PPHLN1: variants seen among roughly 807,000 people sequenced by gnomAD.
PPHLN1 encodes periphilin-1.
PPHLN1 carries 29 observed loss-of-function variants against 51.3 expected under a neutral mutation model. The ratio of observed to expected loss-of-function variants is 0.57; its 90% CI spans 0.42 to 0.77. PPHLN1 has a LOEUF of 0.77. Ranked by LOEUF, PPHLN1 falls within the 30% of genes least tolerant of loss-of-function variation. The probability of loss-of-function intolerance (pLI) is 0.00; values close to 1 mark genes in which losing one functional copy is unlikely to be tolerated. For synonymous variants in PPHLN1, 147 were observed against 147.8 expected, an observed-to-expected ratio of 0.99 and a Z score of 0.04; for missense variants, 436 against 438.4, an observed-to-expected ratio of 0.99 and a Z score of 0.05.
chr12:42,399,425 A>G (rs940072734), intron 9 of PPHLN1: 55 of 927,108 alleles, frequency 5.9e-5, no homozygotes, highest in Non-Finnish European at 6.4e-5. Context: ...ATTTAAGTCT[A>G]GTTTTTTAGT....
At chr12:42,371,289 T>C (rs977690520) in intron 4 of PPHLN1, among the ~76,000 whole-genome samples, 3 of 151,992 alleles carry the variant, frequency 2.0e-5, no homozygotes, top group Non-Finnish European at 4.4e-5. Context: ...TCAGCTATTT[T>C]TTAATTTTTT....
intron 4 of PPHLN1, among the ~76,000 whole-genome samples, chr12:42,362,280 G>C (rs186519858): frequency 6.6e-6 from 1 of 152,110 alleles, no homozygotes; most frequent in African/African-American, 2.4e-5. Flanking sequence ...ATATTAAACT[G>C]TATGTGATAC....
chr12:42,419,149 C>T (rs149407074), intron 9 of PPHLN1, among the ~76,000 whole-genome samples: 178 of 152,322 alleles, frequency 1.2e-3, no homozygotes, highest in African/African-American at 4.2e-3. Flanking sequence ...CATCCTTCTG[C>T]CACATTTCCC....
chr12:42,421,366 A>G (rs1475227172), intron 9 of PPHLN1, among the ~76,000 whole-genome samples: 3 of 152,096 alleles, frequency 2.0e-5, no homozygotes, highest in African/African-American at 7.2e-5. Flanking sequence ...TGATTGATTG[A>G]GATGGAGTTT....
At chr12:42,340,412 TAAG>T (rs1237792396) in intron 2 of PPHLN1, among the ~76,000 whole-genome samples, 3 of 152,068 alleles carry the variant, frequency 2.0e-5, no homozygotes, top group South Asian at 2.1e-4. Flanking sequence ...AGAAAGTTCA[TAAG>T]AAGCATTATT....
chr12:42,393,863 T>A (rs2077958383), intron 8 of PPHLN1, among the ~76,000 whole-genome samples, 174 bp downstream of exon 8: 1 of 152,180 alleles, frequency 6.6e-6, no homozygotes, highest in Non-Finnish European at 1.5e-5. Context: ...CTGAATTCAG[T>A]AATCACGCTT....
intron 4 of PPHLN1, among the ~76,000 whole-genome samples, chr12:42,369,549 T>C (rs1592468863): frequency 6.6e-6 from 1 of 152,364 alleles, no homozygotes; most frequent in East Asian, 1.9e-4. Context: ...GGTTCTGTTC[T>C]AAATTTTTAA....
chr12:42,349,977 G>C (rs2072994465), intron 2 of PPHLN1, among the ~76,000 whole-genome samples: 1 of 148,824 alleles, frequency 6.7e-6, no homozygotes. Flanking sequence ...TCCCAGACGT[G>C]GTGGCGGGGC....
At chr12:42,341,881 A>G (rs2071561504) in intron 2 of PPHLN1, among the ~76,000 whole-genome samples, 1 of 152,204 alleles carries the variant, frequency 6.6e-6, no homozygotes, top group African/African-American at 2.4e-5. Flanking sequence ...TTGGCCTCCC[A>G]AAGTGCTAGG....
At chr12:42,416,749 C>G (rs905544044) in intron 9 of PPHLN1, among the ~76,000 whole-genome samples, 3 of 152,082 alleles carry the variant, frequency 2.0e-5, no homozygotes, top group Non-Finnish European at 4.4e-5. Flanking sequence ...GCACTGTCTT[C>G]AAATAATGAC....
downstream of PPHLN1, chr12:42,445,997 G>T (rs180895349): frequency 5.9e-6 from 9 of 1,521,366 alleles, no homozygotes; most frequent in Non-Finnish European, 7.9e-6. Context: ...CCAGCACGAC[G>T]CATCAAACCA....
At chr12:42,336,242 A>G (rs2070646013) in intron 2 of PPHLN1, among the ~76,000 whole-genome samples, 1 of 152,252 alleles carries the variant, frequency 6.6e-6, no homozygotes, top group Non-Finnish European at 1.5e-5. Context: ...ACAAAATTAC[A>G]GATTTTATAA....
rs773535344 is a variant in PPHLN1 at position 42,441,477 on chromosome 12, A to G, written c.1072A>G (p.Thr358Ala). 2.5e-6 allele frequency: 4 copies of G among 1,606,452 alleles called. No homozygotes were observed. Among genetic ancestry groups the G allele is most frequent in the Non-Finnish European group, 2.5e-6 (3 of 1,177,402 alleles). Reference protein sequence around the residue: ...ELKHFIAEYDTSTQDFGEPF With the variant: ...ELKHFIAEYDASTQDFGEPF ...CAAGCATTTCATTGCAGAGTATGATACTTCCACTCAAGATTTTGGAGAGCC... is the reference window on the plus strand; with the variant it reads ...CAAGCATTTCATTGCAGAGTATGATGCTTCCACTCAAGATTTTGGAGAGCC... Residue 358 changes from threonine (T) to alanine (A), a missense_variant, in exon 10 of 10, where the codon ACT (threonine) becomes GCT (alanine). Thr to Ala is a moderately conservative substitution (Grantham distance 58). Transcript: ENST00000358314.
chr12:42,371,270 C>T (rs2075780845), intron 4 of PPHLN1, among the ~76,000 whole-genome samples: 1 of 151,962 alleles, frequency 6.6e-6, no homozygotes, highest in Non-Finnish European at 1.5e-5. Context: ...CCAGTGGGTG[C>T]CACCTCGCTC....
At chr12:42,342,945 C>A (rs536559188) in intron 2 of PPHLN1, among the ~76,000 whole-genome samples, 9 of 152,206 alleles carry the variant, frequency 5.9e-5, no homozygotes, top group African/African-American at 2.2e-4. Flanking sequence ...ATTTCTCTCT[C>A]CTAGAGAGTT....
At chr12:42,345,519 A>G (rs895794285) in intron 2 of PPHLN1, among the ~76,000 whole-genome samples, 2 of 151,832 alleles carry the variant, frequency 1.3e-5, no homozygotes, top group Non-Finnish European at 2.9e-5. Context: ...TAGCAAATCC[A>G]ATAAATTCTA....
chr12:42,410,774 A>G (rs1204083429), intron 9 of PPHLN1, among the ~76,000 whole-genome samples: 1 of 152,248 alleles, frequency 6.6e-6, no homozygotes, highest in African/African-American at 2.4e-5. Context: ...CAAAACACAC[A>G]AGATTGAGAG....
intron 5 of PPHLN1, among the ~76,000 whole-genome samples, chr12:42,384,398 A>G (rs527976290): frequency 6.6e-6 from 1 of 152,306 alleles, no homozygotes; most frequent in South Asian, 2.1e-4. Context: ...CATCCATGTC[A>G]TTAAGAGTTT....
chr12:42,351,864 A>T (rs200498172), intron 2 of PPHLN1, 21 bp from the exon 3 acceptor site: 1 of 1,534,528 alleles, frequency 6.5e-7, no homozygotes, highest in Non-Finnish European at 8.7e-7. Context: ...ATTTGTATAT[A>T]TTTCTTTTTG....
Sources: allele counts gnomAD v4.1 joint callset (sites outside exome capture counted in the v4.1 genomes callset), GRCh38; gene constraint gnomAD v4.1.1; transcripts MANE v1.5; gene names NCBI Gene and HGNC (gene_info 2026-07-23, HGNC 2026-07-21).